Variants in MATN2 observed in about 807,000 individuals in gnomAD.
MATN2 encodes the protein matrilin 2.
MATN2 carries 69 observed loss-of-function variants against 103.2 expected under a neutral mutation model. The ratio of observed to expected loss-of-function variants is 0.67; its 90% CI spans 0.55 to 0.82. MATN2 has a LOEUF of 0.82. Ranked by LOEUF, MATN2 falls within the 40% of genes least tolerant of loss-of-function variation. The pLI is 0.00. For synonymous variants in MATN2, 429 were observed against 450.2 expected (o/e 0.95, Z 0.60); for missense variants, 1,023 against 1,211.5 (o/e 0.84, Z 2.31).
chr8:98,004,132 C>T, intron 8 of MATN2: 1 of 238,890 alleles, frequency 4.2e-6, no homozygotes, highest in Non-Finnish European at 8.6e-6. Flanking sequence ...ACTAAAAATA[C>T]AAAAAATTAG....
In MATN2 at chr8:97,931,095, A is replaced by C. The variant is rs768432436; in HGVS notation, c.285A>C (p.Arg95=). 2.5e-6 allele frequency: 4 copies of C among 1,614,016 alleles called. No homozygotes were observed. The highest frequency in any genetic ancestry group is 3.4e-6 in the Non-Finnish European group (4 of 1,179,888). ...QFLDIGPDVT[R]VGLLQYGSTV... is the part of the protein sequence containing the mutation. ...TGGACATTGGTCCTGATGTCACCCG[A>C]GTGGGCCTGCTCCAATATGGCAGCA... The change falls in exon 3 of 19, where the codon CGA becomes CGC. Residue 95 remains arginine (R), a synonymous_variant. Coordinates refer to ENST00000254898, the MANE Select transcript of MATN2 (RefSeq NM_002380.5). The surrounding 1 kb of genome is among the most constrained non-coding windows in gnomAD (Gnocchi z 4.1).
intron 16 of MATN2, 101 bp from the exon 17 acceptor site, chr8:98,032,941 G>T (rs1174244791): frequency 8.9e-7 from 1 of 1,119,666 alleles, no homozygotes; most frequent in Non-Finnish European, 1.2e-6. Context: ...GTAAAGCTCT[G>T]TACCAAGTGC....
At chr8:97,869,942 C>T (rs1322324895) in intron 1 of MATN2, among the ~76,000 whole-genome samples, 1 of 152,138 alleles carries the variant, frequency 6.6e-6, no homozygotes, top group Non-Finnish European at 1.5e-5. Context: ...GGGACACTCG[C>T]GCCCACCCTG....
intron 12 of MATN2, chr8:98,020,997 C>A: frequency 2.2e-6 from 1 of 458,086 alleles, no homozygotes; most frequent in East Asian, 4.1e-5. Flanking sequence ...ACCCATCGTA[C>A]CATTCAGACT....
intron 2 of MATN2, among the ~76,000 whole-genome samples, chr8:97,914,789 T>C (rs1435448828): frequency 6.6e-6 from 1 of 152,208 alleles, no homozygotes; most frequent in African/African-American, 2.4e-5. Flanking sequence ...CACTCTGTTC[T>C]GGCCTCCAGC....
rs373164683 is a variant in MATN2, at chr8:97,909,806, C to T, written c.143-21147C>T. On this transcript the variant is annotated intron_variant, in intron 2 of 18. Transcript: ENST00000254898. ...TTTCACTTTTTTTTTTTTTTTGAGA[C>T]GGAGTCTCGCTCTGTCGCCCCGGCT... 3.1e-3 allele frequency among the ~76,000 whole-genome samples: 463 copies of T among 149,808 alleles called. 4 individuals are homozygous for T. The highest frequency in any genetic ancestry group is 3.8e-3 in the Non-Finnish European group (260 of 67,604).
intron 5 of MATN2, among the ~76,000 whole-genome samples, chr8:97,976,281 G>C (rs1811835196): frequency 1.3e-5 from 2 of 151,964 alleles, no homozygotes; most frequent in Admixed American, 1.3e-4. Context: ...GCTATTTTTT[G>C]TATTTTTAGT....
intron 5 of MATN2, among the ~76,000 whole-genome samples, chr8:97,977,698 T>C (rs1811885601): frequency 6.6e-6 from 1 of 152,128 alleles, no homozygotes; most frequent in Admixed American, 6.5e-5. Flanking sequence ...CTGAGGTCCT[T>C]GCATGGCCCA....
intron 2 of MATN2, among the ~76,000 whole-genome samples, chr8:97,929,112 T>C (rs1810094005): frequency 6.6e-6 from 1 of 152,110 alleles, no homozygotes; most frequent in East Asian, 1.9e-4. Flanking sequence ...AGAACGTTGG[T>C]TTCTTGCCAG....
rs1200992311 is a variant in MATN2 at position 98,033,616 on chromosome 8, C to T, written c.2772C>T (p.Phe924=). The change falls in exon 18 of 19, where the codon TTC becomes TTT. Residue 924 remains phenylalanine (F), a synonymous_variant. Coordinates refer to ENST00000254898, the MANE Select transcript of MATN2 (RefSeq NM_002380.5). ...DQCKCENLIM[F]QNLANEEVRK... ...GCAAATGTGAAAACCTTATAATGTT[C>T]CAGAACCTTGCAAACGAAGAAGTAA... 1.2e-6 allele frequency: 2 copies of T among 1,608,136 alleles called. No homozygotes were observed. The highest frequency in any genetic ancestry group is 3.4e-5 in the Admixed American group (2 of 59,272).
chr8:97,933,165 AC>A (rs1457960544), intron 3 of MATN2, among the ~76,000 whole-genome samples: 1 of 152,160 alleles, frequency 6.6e-6, no homozygotes, highest in African/African-American at 2.4e-5. Flanking sequence ...GAAAAAAAGA[AC>A]CTTTTTCCTT....
chr8:98,009,482 T>C (rs551966953), intron 10 of MATN2, among the ~76,000 whole-genome samples: 53 of 152,300 alleles, frequency 3.5e-4, no homozygotes, highest in African/African-American at 1.3e-3. Context: ...ACTTAGAGCT[T>C]TGATAGCAAG....
chr8:97,964,237 G>A (rs1433576693), intron 5 of MATN2, among the ~76,000 whole-genome samples: 1 of 152,142 alleles, frequency 6.6e-6, no homozygotes, highest in Admixed American at 6.5e-5. Context: ...TAACCTGAGG[G>A]CCAGAAGGCG....
chr8:97,924,452 T>C (rs1231704943), intron 2 of MATN2, among the ~76,000 whole-genome samples: 6 of 152,238 alleles, frequency 3.9e-5, no homozygotes, highest in Non-Finnish European at 4.4e-5. Flanking sequence ...GGAATTGATA[T>C]GGAACATCAC....
intron 16 of MATN2, among the ~76,000 whole-genome samples, 199 bp from the exon 17 acceptor site, chr8:98,032,839 TTTTG>T (rs1466818905): frequency 3.3e-5 from 5 of 151,306 alleles, no homozygotes; most frequent in Non-Finnish European, 7.4e-5. Context: ...GCTGTTTTTG[TTTTG>T]TTTTTTGTTG....
chr8:97,872,880 C>T (rs774496943), intron 1 of MATN2, among the ~76,000 whole-genome samples: 3 of 151,968 alleles, frequency 2.0e-5, no homozygotes, highest in Non-Finnish European at 4.4e-5. Flanking sequence ...CTGCAGCCTC[C>T]GCCTCCCAGG....
intron 5 of MATN2, among the ~76,000 whole-genome samples, chr8:97,968,310 C>T (rs1050984256): frequency 1.3e-5 from 2 of 152,244 alleles, no homozygotes; most frequent in Non-Finnish European, 2.9e-5. Flanking sequence ...GATATTTGCA[C>T]TTGGCTCCCT....
At chr8:97,897,328 A>G (rs1475297614) in intron 2 of MATN2, among the ~76,000 whole-genome samples, 1 of 152,264 alleles carries the variant, frequency 6.6e-6, no homozygotes, top group Non-Finnish European at 1.5e-5. Flanking sequence ...AAGATGAGTA[A>G]CATCTGCAGA....
intron 6 of MATN2, among the ~76,000 whole-genome samples, chr8:97,985,154 G>A (rs1398645193): frequency 6.6e-6 from 1 of 152,160 alleles, no homozygotes; most frequent in Non-Finnish European, 1.5e-5. Context: ...AAAGCCTAAG[G>A]CTGCTTCCAC....
Sources: gnomAD v4.1 joint callset for allele counts (sites outside exome capture counted in the v4.1 genomes callset) on GRCh38, gnomAD v4.1.1 for gene constraint, Gnocchi (gnomAD v3.1) non-coding constraint, MANE v1.5 for transcripts, NCBI Gene and HGNC (gene_info 2026-07-23, HGNC 2026-07-21) for gene names.